Variants in TPST1 observed in about 807,000 individuals in gnomAD.
TPST1 encodes the protein tyrosylprotein sulfotransferase 1.
Under a neutral mutation model 34.8 loss-of-function variants are expected in TPST1, and 20 were observed. The ratio of observed to expected loss-of-function variants is 0.57; its 90% confidence interval spans 0.40 to 0.84. The LOEUF is 0.84. Among genes scored for constraint, TPST1 ranks in the 40% least tolerant of loss-of-function variants. The probability of loss-of-function intolerance (pLI) is 0.00; values close to 1 mark genes in which losing one functional copy is unlikely to be tolerated. For synonymous variants in TPST1, 152 were observed against 159.4 expected, an observed-to-expected ratio of 0.95 and a Z score of 0.35; for missense variants, 353 against 455.5, an observed-to-expected ratio of 0.78 and a Z score of 2.05.
chr7:66,327,320 A>G (rs556434102), intron 3 of TPST1, among the ~76,000 whole-genome samples: 2 of 152,220 alleles, frequency 1.3e-5, no homozygotes, highest in Non-Finnish European at 2.9e-5. Flanking sequence ...AGAGTTTACA[A>G]TGAGTTTACA....
chr7:66,355,902 C>CAAA lies in TPST1; in HGVS notation c.1096-902_1096-900dup, dbSNP rs573200695. On this transcript the variant is annotated intron_variant, in intron 4 of 5. Coordinates refer to ENST00000304842, the MANE Select transcript of TPST1 (RefSeq NM_003596.4). ...CCTGGGTGACAGAGCAAGACTCCAT[C>CAAA]AAAAAAAAAAAAAAAAAAAAAAAGG... 2.2e-3 allele frequency among the ~76,000 whole-genome samples: 122 copies of CAAA among 56,690 alleles called. 2 individuals are homozygous for CAAA. The highest frequency in any genetic ancestry group is 3.7e-3 in the African/African-American group (52 of 14,070). The allele number at this position is 56,690 out of a possible 152,430, so 37.2% of individuals were successfully genotyped here.
At chr7:66,221,929 GTTTTT>G (rs1263278638) in intron 1 of TPST1, among the ~76,000 whole-genome samples, 7 of 152,128 alleles carry the variant, frequency 4.6e-5, no homozygotes, top group Admixed American at 4.6e-4. Context: ...AAATTGCAAA[GTTTTT>G]TTCATCAGTT....
At chr7:66,337,509 A>G (rs755523820) in intron 3 of TPST1, among the ~76,000 whole-genome samples, 6 of 152,050 alleles carry the variant, frequency 3.9e-5, no homozygotes, top group South Asian at 2.1e-4. Context: ...GTATTTCACA[A>G]TGTTGGCCAG....
intron 3 of TPST1, among the ~76,000 whole-genome samples, chr7:66,349,730 G>T: frequency 6.6e-6 from 1 of 152,160 alleles, no homozygotes; most frequent in East Asian, 1.9e-4. Flanking sequence ...TATGCCCCTG[G>T]GGCCTGGAAA....
At chr7:66,231,045 A>G (rs1789776264) in intron 1 of TPST1, among the ~76,000 whole-genome samples, 1 of 151,240 alleles carries the variant, frequency 6.6e-6, no homozygotes, top group Non-Finnish European at 1.5e-5. Flanking sequence ...CTTGAGCTAG[A>G]TACAGAGTGC....
intron 1 of TPST1, among the ~76,000 whole-genome samples, chr7:66,236,797 A>C (rs1379607316): frequency 6.6e-6 from 1 of 152,196 alleles, no homozygotes. Context: ...TTTTAAAAAC[A>C]AGTGTGCACA....
intron 3 of TPST1, among the ~76,000 whole-genome samples, chr7:66,294,599 TTA>T (rs774864816): frequency 2.0e-5 from 3 of 151,780 alleles, no homozygotes; most frequent in African/African-American, 2.4e-5. Flanking sequence ...TTTACACTTT[TTA>T]TATATATATA....
intron 3 of TPST1, among the ~76,000 whole-genome samples, chr7:66,351,671 C>CAA (rs749188820): frequency 3.6e-5 from 4 of 111,970 alleles, no homozygotes; most frequent in African/African-American, 1.3e-4. Flanking sequence ...CCCTCCCCTC[C>CAA]AAAAAAAAAA....
chr7:66,322,382 CAAT>C (rs1278267372), intron 3 of TPST1, among the ~76,000 whole-genome samples: 1 of 152,202 alleles, frequency 6.6e-6, no homozygotes, highest in Non-Finnish European at 1.5e-5. Flanking sequence ...ACTCATTAAA[CAAT>C]AACTCTCCAT....
intron 3 of TPST1, among the ~76,000 whole-genome samples, chr7:66,323,899 A>G (rs1791809041): frequency 6.6e-6 from 1 of 152,232 alleles, no homozygotes; most frequent in Admixed American, 6.5e-5. Flanking sequence ...CTGTGTATAT[A>G]TACAAAAGAG....
upstream of TPST1, among the ~76,000 whole-genome samples, chr7:66,203,251 T>G (rs1036687442): frequency 9.2e-5 from 14 of 151,738 alleles, no homozygotes; most frequent in Non-Finnish European, 2.9e-5. Flanking sequence ...TTTTTTTTTT[T>G]GGGTGAGAGG....
chr7:66,265,541 C>A (rs1790573740), intron 2 of TPST1, among the ~76,000 whole-genome samples: 2 of 127,952 alleles, frequency 1.6e-5, no homozygotes, highest in South Asian at 2.5e-4. Context: ...CAGTGTGGAA[C>A]CCTGTCTCAA....
At position 66,263,828 on chromosome 7, in the gene TPST1, A is replaced by G. The variant is rs75862453; in HGVS notation, c.845+22558A>G. ...GAAGTGTAAAATTTTACCCTTCCAT[A>G]AGAGCGACAGAAGAACTGGCAACAC... On this transcript the variant is annotated intron_variant, in intron 2 of 5. Transcript: ENST00000304842. Among the ~76,000 whole-genome samples, 1,183 of 152,304 alleles carry G rather than the reference A, an allele frequency of 7.8e-3. 17 individuals are homozygous for G. Among genetic ancestry groups the G allele is most frequent in the African/African-American group, 0.026 (1,098 of 41,552 alleles).
At chr7:66,279,493 A>G (rs758096872) in intron 2 of TPST1, among the ~76,000 whole-genome samples, 1 of 152,208 alleles carries the variant, frequency 6.6e-6, no homozygotes, top group Non-Finnish European at 1.5e-5. Context: ...TCTTTGAGAA[A>G]TCTTCGAACT....
intron 4 of TPST1, among the ~76,000 whole-genome samples, chr7:66,353,742 T>C (rs930764000): frequency 6.6e-6 from 1 of 152,194 alleles, no homozygotes; most frequent in Non-Finnish European, 1.5e-5. Flanking sequence ...AGTGATTAGC[T>C]TGTCAATAGG....
chr7:66,224,110 G>A (rs1182000956), intron 1 of TPST1, among the ~76,000 whole-genome samples: 1 of 152,048 alleles, frequency 6.6e-6, no homozygotes, highest in African/African-American at 2.4e-5. Context: ...AGCCCCTAAC[G>A]TGCAGCTAGG....
chr7:66,325,880 C>T (rs1791856641), intron 3 of TPST1, among the ~76,000 whole-genome samples: 1 of 152,064 alleles, frequency 6.6e-6, no homozygotes, highest in Non-Finnish European at 1.5e-5. Context: ...GTGATCTGCC[C>T]GCCTTGGCCT....
intron 3 of TPST1, among the ~76,000 whole-genome samples, chr7:66,348,291 AG>A (rs1194304511): frequency 6.6e-6 from 1 of 152,218 alleles, no homozygotes; most frequent in East Asian, 1.9e-4. Context: ...GAATGATTAA[AG>A]TCCAATCTAG....
chr7:66,305,704 C>T (rs1384050964), intron 3 of TPST1, among the ~76,000 whole-genome samples: 1 of 152,216 alleles, frequency 6.6e-6, no homozygotes, highest in Non-Finnish European at 1.5e-5. Flanking sequence ...GCACTTCTCC[C>T]TTGAGGATTA....
Sources: allele counts gnomAD v4.1 joint callset (sites outside exome capture counted in the v4.1 genomes callset), GRCh38; gene constraint gnomAD v4.1.1; transcripts MANE v1.5; gene names NCBI Gene and HGNC (gene_info 2026-07-23, HGNC 2026-07-21).